STX8: variants seen among roughly 807,000 people sequenced by gnomAD.
The protein encoded by STX8 is syntaxin 8, also known as syntaxin-8.
STX8 carries 23 observed loss-of-function variants against 37.5 expected under a neutral mutation model. That is an observed-to-expected ratio of 0.61 (90% CI 0.44 to 0.87). STX8 has a LOEUF of 0.87. Ranked by LOEUF, STX8 falls within the 40% of genes least tolerant of loss-of-function variation. STX8 has a pLI of 0.00. For synonymous variants in STX8, 115 were observed against 99.1 expected (o/e 1.16, Z -0.95); for missense variants, 313 against 284.7 (o/e 1.10, Z -0.71).
intron 5 of STX8, among the ~76,000 whole-genome samples, chr17:9,498,187 C>T (rs182356181): frequency 6.6e-6 from 1 of 152,052 alleles, no homozygotes; most frequent in East Asian, 1.9e-4. Flanking sequence ...GTCAGGAGTT[C>T]GAGACCAGCC....
intron 7 of STX8, among the ~76,000 whole-genome samples, chr17:9,296,502 A>C (rs2142170919): frequency 6.7e-6 from 1 of 149,694 alleles, no homozygotes; most frequent in Middle Eastern, 3.5e-3. Context: ...CCATCTCTCA[A>C]AAAAAAAAAA....
At chr17:9,473,085 C>A (rs942133361) in intron 6 of STX8, among the ~76,000 whole-genome samples, 5 of 151,504 alleles carry the variant, frequency 3.3e-5, no homozygotes, top group Non-Finnish European at 5.9e-5. Context: ...TCTTGTCACC[C>A]AGGCTGGAGT....
At chr17:9,406,170 C>T (rs1212305878) in intron 6 of STX8, among the ~76,000 whole-genome samples, 1 of 152,142 alleles carries the variant, frequency 6.6e-6, no homozygotes, top group Non-Finnish European at 1.5e-5. Flanking sequence ...CCTTAGTCTG[C>T]AGTACATGGC....
chr17:9,333,925 T>C (rs1201849439), intron 7 of STX8, among the ~76,000 whole-genome samples: 1 of 152,062 alleles, frequency 6.6e-6, no homozygotes, highest in Non-Finnish European at 1.5e-5. Context: ...GGAATGGCAA[T>C]AGAGAAACAG....
chr17:9,531,571 C>T (rs1692010665), intron 4 of STX8, among the ~76,000 whole-genome samples: 1 of 152,108 alleles, frequency 6.6e-6, no homozygotes, highest in African/African-American at 2.4e-5. Context: ...ATTCTCATAA[C>T]TTCCATTACA....
chr17:9,359,047 T>G (rs1471257627), intron 7 of STX8, among the ~76,000 whole-genome samples: 1 of 151,478 alleles, frequency 6.6e-6, no homozygotes. Context: ...CTTTTTTTTT[T>G]CTTTTTTTTT....
chr17:9,525,819 G>A (rs1021509878), intron 4 of STX8, among the ~76,000 whole-genome samples: 6 of 152,154 alleles, frequency 3.9e-5, no homozygotes, highest in Non-Finnish European at 5.9e-5. Context: ...GAGTGCTATC[G>A]TTCATTAATG....
At chr17:9,444,739 C>A (rs966105563) in intron 6 of STX8, among the ~76,000 whole-genome samples, 3 of 152,114 alleles carry the variant, frequency 2.0e-5, no homozygotes, top group Non-Finnish European at 4.4e-5. Flanking sequence ...AACTTCCTGA[C>A]CTCTGAAAAC....
chr17:9,566,524 C>A (rs1323018044), intron 2 of STX8, among the ~76,000 whole-genome samples: 1 of 152,132 alleles, frequency 6.6e-6, no homozygotes, highest in South Asian at 2.1e-4. Flanking sequence ...GGGTGGCTCA[C>A]ACCTGTAATC....
At chr17:9,551,695 G>A (rs1906764181) in intron 3 of STX8, among the ~76,000 whole-genome samples, 1 of 152,116 alleles carries the variant, frequency 6.6e-6, no homozygotes, top group South Asian at 2.1e-4. Context: ...CAATAACCTG[G>A]CAAAGTATGA....
intron 7 of STX8, among the ~76,000 whole-genome samples, chr17:9,270,246 T>C (rs1191765643): frequency 6.6e-6 from 1 of 152,218 alleles, no homozygotes; most frequent in Non-Finnish European, 1.5e-5. Flanking sequence ...AAGGACTTTC[T>C]TTTTTCTTTT....
chr17:9,354,014 T>C (rs1245205850), intron 7 of STX8, among the ~76,000 whole-genome samples: 1 of 152,186 alleles, frequency 6.6e-6, no homozygotes. Context: ...TCACTTATTT[T>C]GGCTGTTTCT....
intron 6 of STX8, among the ~76,000 whole-genome samples, chr17:9,457,860 G>T (rs1905225484): frequency 6.6e-6 from 1 of 152,220 alleles, no homozygotes; most frequent in African/African-American, 2.4e-5. Flanking sequence ...GCTGAAACGG[G>T]TTACCTGCCC....
chr17:9,559,734 T>TTATATATATATATATA (rs1009971082), intron 2 of STX8, among the ~76,000 whole-genome samples: 3 of 48,752 alleles, frequency 6.2e-5, no homozygotes, highest in African/African-American at 2.1e-4. Context: ...TATTATTATT[T>TTATATATATATATATA]TATATATATA....
chr17:9,408,381 C>A (rs1375331262), intron 6 of STX8, among the ~76,000 whole-genome samples: 1 of 152,126 alleles, frequency 6.6e-6, no homozygotes. Context: ...AAGGGATAGC[C>A]AGTGAGGGAG....
chr17:9,547,639 AG>A (rs200181838), intron 3 of STX8, among the ~76,000 whole-genome samples: 1,568 of 132,138 alleles, frequency 0.012, 20 homozygotes, highest in Middle Eastern at 0.023. Context: ...AAAAAAAAAA[AG>A]AAAAAAGAAA....
rs896546443 is a variant in STX8 at position 9,315,301 on chromosome 17, A to C, written c.643+63251T>G. 3.9e-5 allele frequency among the ~76,000 whole-genome samples: 6 copies of C among 152,060 alleles called. No homozygotes were observed. The East Asian group carries it at 5.8e-4, about 15-fold the overall frequency. On this transcript the variant is annotated intron_variant, in intron 7 of 7. Coordinates refer to ENST00000306357, the MANE Select transcript of STX8 (RefSeq NM_004853.3). The stretch of plus-strand genomic sequence containing the variant: ...TAAAAAAACAAAAACAACAAAAAAA[A>C]AAAACAAGCAGCCCTTTTGAGACTT...
intron 7 of STX8, among the ~76,000 whole-genome samples, chr17:9,363,077 C>T (rs1911120326): frequency 1.3e-5 from 2 of 152,022 alleles, no homozygotes; most frequent in South Asian, 2.1e-4. Context: ...TGTGAGTGCA[C>T]GTGTGTATAC....
At chr17:9,455,263 G>T (rs567451649) in intron 6 of STX8, among the ~76,000 whole-genome samples, 7 of 151,934 alleles carry the variant, frequency 4.6e-5, no homozygotes, top group African/African-American at 1.7e-4. Flanking sequence ...AATTTGGGAG[G>T]CCGAGGTGGG....
Sources: gnomAD v4.1 joint callset for allele counts (sites outside exome capture counted in the v4.1 genomes callset) on GRCh38, gnomAD v4.1.1 for gene constraint, MANE v1.5 for transcripts, NCBI Gene and HGNC (gene_info 2026-07-23, HGNC 2026-07-21) for gene names.